The following TMEM178B variants were observed in gnomAD, a reference collection of about 807,000 sequenced individuals.
The protein encoded by TMEM178B is transmembrane protein 178B.
In TMEM178B, 5 loss-of-function variants were observed where a neutral mutation model predicts 31.0. The observed-to-expected ratio is 0.16, with a 90% CI of 0.08 to 0.34. TMEM178B has a LOEUF of 0.34. Among genes scored for constraint, TMEM178B ranks in the 10% least tolerant of loss-of-function variants. The pLI is 1.00. For synonymous variants in TMEM178B, 164 were observed against 164.0 expected (o/e 1.00, Z 0.00); for missense variants, 275 against 400.3 (o/e 0.69, Z 2.67).
chr7:141,465,140 G>A lies in TMEM178B; in HGVS notation c.635-5396G>A, dbSNP rs1802128202. Among the ~76,000 whole-genome samples, 3 of 152,168 alleles carry A rather than the reference G, an allele frequency of 2.0e-5. No individual in the cohort carries two copies. In the South Asian group the frequency reaches 6.2e-4, roughly 31 times the overall value. On this transcript the variant is annotated intron_variant, in intron 3 of 3. Transcript: ENST00000565468. ...CCAGAGGCCATGGTCTGCTCCTGCT[G>A]GGGAGAGCAGGACTTTTATCTTTCC...
At chr7:141,211,670 G>A (rs2129187743) in intron 1 of TMEM178B, among the ~76,000 whole-genome samples, 1 of 152,284 alleles carries the variant, frequency 6.6e-6, no homozygotes, top group Admixed American at 6.5e-5. Flanking sequence ...AATGGGGGAA[G>A]AGCTCCCCAC....
intron 2 of TMEM178B, among the ~76,000 whole-genome samples, chr7:141,378,809 T>C (rs1369908378): frequency 6.6e-6 from 1 of 152,196 alleles, no homozygotes; most frequent in East Asian, 1.9e-4. Flanking sequence ...GAAAGGATGG[T>C]AGCGAGAGTG....
At chr7:141,281,529 A>G (rs1447369541) in intron 2 of TMEM178B, among the ~76,000 whole-genome samples, 3 of 152,210 alleles carry the variant, frequency 2.0e-5, no homozygotes, top group African/African-American at 2.4e-5. Context: ...TACTGGGAAC[A>G]TGAAGTCCAT....
At chr7:141,254,483 C>T (rs561665678) in intron 2 of TMEM178B, among the ~76,000 whole-genome samples, 7 of 152,026 alleles carry the variant, frequency 4.6e-5, no homozygotes, top group East Asian at 1.9e-4. Context: ...TCTGGAAGGC[C>T]GAGGCGGGTG....
At position 141,479,037 on chromosome 7, in the gene TMEM178B, C is replaced by T. The variant is rs1326292434; in HGVS notation, c.*8251C>T. The stretch of plus-strand genomic sequence containing the variant: ...CACTCCTGTGGACTGCATGTCCCAT[C>T]TGCCCCCAGAGGGTGTCGGCGCTGC... On this transcript the variant is annotated 3_prime_UTR_variant, in exon 4 of 4. Coordinates refer to ENST00000565468, the MANE Select transcript of TMEM178B (RefSeq NM_001195278.2). 6.6e-6 allele frequency: 1 copy of T among 152,288 alleles called. No homozygotes were observed. The highest frequency in any genetic ancestry group is 1.5e-5 in the Non-Finnish European group (1 of 68,098). 9.4% of individuals were successfully genotyped at this position (152,288 alleles called of 1,614,324 possible).
intron 3 of TMEM178B, among the ~76,000 whole-genome samples, chr7:141,442,379 A>G (rs1360433432): frequency 1.3e-5 from 2 of 152,202 alleles, no homozygotes; most frequent in African/African-American, 2.4e-5. Context: ...TTCACAGAGC[A>G]GTTAGCATAA....
At chr7:141,089,886 C>T (rs907408292) in intron 1 of TMEM178B, among the ~76,000 whole-genome samples, 35 of 151,968 alleles carry the variant, frequency 2.3e-4, no homozygotes, top group Non-Finnish European at 4.3e-4. Flanking sequence ...GGAGGGATAG[C>T]ATTAGGAGAT....
chr7:141,236,748 G>T (rs1797533356), intron 2 of TMEM178B, among the ~76,000 whole-genome samples: 2 of 152,312 alleles, frequency 1.3e-5, no homozygotes, highest in South Asian at 4.1e-4. Flanking sequence ...TTATTTATCT[G>T]ATGCCCTGAT....
At chr7:141,096,207 G>A (rs1481166359) in intron 1 of TMEM178B, among the ~76,000 whole-genome samples, 1 of 152,192 alleles carries the variant, frequency 6.6e-6, no homozygotes, top group Non-Finnish European at 1.5e-5. Flanking sequence ...CAGGTCAAAT[G>A]TTTGCCCACT....
chr7:141,158,884 C>G (rs1193960095), intron 1 of TMEM178B, among the ~76,000 whole-genome samples: 2 of 151,910 alleles, frequency 1.3e-5, no homozygotes, highest in Non-Finnish European at 2.9e-5. Context: ...CTTGAGGAGG[C>G]AGACAGGGAG....
intron 1 of TMEM178B, among the ~76,000 whole-genome samples, chr7:141,081,188 A>T (rs801159): frequency 1.3e-5 from 2 of 152,096 alleles, no homozygotes; most frequent in East Asian, 3.8e-4. Context: ...AGTGGGCTAA[A>T]ATGTGGAGGT....
chr7:141,470,488 C>T, intron 3 of TMEM178B, 48 bp from the exon 4 acceptor site: 1 of 1,436,554 alleles, frequency 7.0e-7, no homozygotes, highest in East Asian at 2.7e-5. Context: ...CTCCTCTCCC[C>T]TTTCCTTCTC....
chr7:141,336,892 TACCACCACCACCATCATC>T (rs1563155159), intron 2 of TMEM178B, among the ~76,000 whole-genome samples: 2 of 18,920 alleles, frequency 1.1e-4, no homozygotes, highest in Non-Finnish European at 2.2e-4. Flanking sequence ...CCATCACCGC[TACCACCACCACCATCATC>T]ACCACCACCA....
At chr7:141,285,327 ATT>A (rs914086668) in intron 2 of TMEM178B, among the ~76,000 whole-genome samples, 12 of 137,566 alleles carry the variant, frequency 8.7e-5, no homozygotes, top group African/African-American at 1.1e-4. Context: ...ATTTTTTTGT[ATT>A]TTTTTTTTTT....
chr7:141,082,436 A>C (rs1018581137), intron 1 of TMEM178B, among the ~76,000 whole-genome samples: 4 of 152,248 alleles, frequency 2.6e-5, no homozygotes, highest in Non-Finnish European at 4.4e-5. Context: ...AAAACTTAAG[A>C]CATACTCACC....
rs753114080 is a variant in TMEM178B, at chr7:141,074,634, C to A, written c.324C>A (p.Leu108=). ...SRQYNSTNMG[L]WRKCHRQGFD... Reference sequence around the variant, plus strand: ...AGTACAACTCCACCAACATGGGCCTCTGGAGGAAGTGCCACCGGCAGGGCT... The same window carrying A: ...AGTACAACTCCACCAACATGGGCCTATGGAGGAAGTGCCACCGGCAGGGCT... The change falls in exon 1 of 4, where the codon CTC becomes CTA. Residue 108 remains leucine (L), a synonymous_variant. Transcript: ENST00000565468. This position sits in a 1 kb window ranked among gnomAD's most constrained non-coding sequence, Gnocchi z 5.1. The A allele has an allele frequency of 1.1e-5, 17 of 1,528,016 alleles. No homozygotes were observed. Among genetic ancestry groups the A allele is most frequent in the Non-Finnish European group, 3.5e-6 (4 of 1,140,646 alleles). 94.7% of individuals were successfully genotyped at this position (1,528,016 alleles called of 1,614,324 possible). A position where few individuals can be genotyped will look rare whatever the true frequency, so the allele number is the denominator to read the frequency against.
intron 2 of TMEM178B, among the ~76,000 whole-genome samples, chr7:141,342,643 TCTC>T (rs1320881336): frequency 3.9e-5 from 6 of 152,208 alleles, no homozygotes; most frequent in African/African-American, 1.4e-4. Flanking sequence ...TTTAGCAAAT[TCTC>T]CTCCCTTGAA....
rs34831263 is a variant in TMEM178B at position 141,344,574 on chromosome 7, C to CCCTTCCTTCCTTCCTTCCTTCCTT, written c.497-93002_497-92979dup. On this transcript the variant is annotated intron_variant, in intron 2 of 3. Transcript: ENST00000565468. The surrounding 1 kb of genome is among the most constrained non-coding windows in gnomAD (Gnocchi z 4.1). Reference sequence around the variant, plus strand: ...CTCCCTCCCTCCATTCCTCCCTCCTCCCTTCCTTCCTTCCTTCCTTCCTTC... The same window carrying CCCTTCCTTCCTTCCTTCCTTCCTT: ...CTCCCTCCCTCCATTCCTCCCTCCTCCCTTCCTTCCTTCCTTCCTTCCTTCCTTCCTTCCTTCCTTCCTTCCTTC... Among the ~76,000 whole-genome samples the CCCTTCCTTCCTTCCTTCCTTCCTT allele has an allele frequency of 7.6e-4, 105 of 137,316 alleles. No individual in the cohort carries two copies. The highest frequency in any genetic ancestry group is 3.5e-3 in the Middle Eastern group (1 of 286). The allele number at this position is 137,316 out of a possible 152,430, so 90.1% of individuals were successfully genotyped here.
intron 2 of TMEM178B, among the ~76,000 whole-genome samples, chr7:141,355,586 C>A (rs1484700494): frequency 1.3e-5 from 2 of 152,222 alleles, no homozygotes; most frequent in Non-Finnish European, 1.5e-5. Context: ...TGCAGATGGG[C>A]ATTCAACACA....
Sources: gnomAD v4.1 joint callset for allele counts (sites outside exome capture counted in the v4.1 genomes callset) on GRCh38, gnomAD v4.1.1 for gene constraint, Gnocchi (gnomAD v3.1) non-coding constraint, MANE v1.5 for transcripts, NCBI Gene and HGNC (gene_info 2026-07-23, HGNC 2026-07-21) for gene names.